Variants in TMEM82 observed in about 807,000 individuals in gnomAD.
TMEM82 encodes the protein transmembrane protein 82.
Under a neutral mutation model 29.2 loss-of-function variants are expected in TMEM82, and 30 were observed. That is an observed-to-expected ratio of 1.03 (90% CI 0.77 to 1.39). TMEM82 has a LOEUF of 1.39. Ranked by LOEUF, TMEM82 falls within the 40% of genes most tolerant of loss-of-function variation. The pLI is 0.00. For synonymous variants in TMEM82, 221 were observed against 225.4 expected (o/e 0.98, Z 0.18); for missense variants, 442 against 447.7 (o/e 0.99, Z 0.12).
intron 5 of TMEM82, 70 bp downstream of exon 5, chr1:15,747,124 G>A: frequency 2.0e-6 from 3 of 1,525,648 alleles, no homozygotes; most frequent in Non-Finnish European, 2.7e-6. Context: ...AGCCTCAAGA[G>A]GCTCAAGTTT....
At chr1:15,745,908 A>AG (rs1339761634) in intron 4 of TMEM82, among the ~76,000 whole-genome samples, 13 of 151,398 alleles carry the variant, frequency 8.6e-5, no homozygotes, top group African/African-American at 3.1e-4. Context: ...AAAAAAAAAA[A>AG]AAGAAGGGGT....
At chr1:15,743,416 C>T (rs2068307959) in intron 3 of TMEM82, among the ~76,000 whole-genome samples, 1 of 152,260 alleles carries the variant, frequency 6.6e-6, no homozygotes, top group Non-Finnish European at 1.5e-5. Flanking sequence ...ACAAGAGCGA[C>T]AGTTTCTGTA....
chr1:15,747,437 A>G, intron 5 of TMEM82, 109 bp from the exon 6 acceptor site: 1 of 941,424 alleles, frequency 1.1e-6, no homozygotes, highest in South Asian at 1.5e-5. Context: ...AGCCCTCTCC[A>G]GCAACAACCC....
At chr1:15,746,838 GGACGGT>G in intron 4 of TMEM82, 23 bp from the exon 5 acceptor site, 1 of 1,534,018 alleles carries the variant, frequency 6.5e-7, no homozygotes, top group Non-Finnish European at 8.7e-7. Context: ...GTGTGTGGTC[GGACGGT>G]GACAGGCACC....
rs539714899 is a variant in TMEM82, at chr1:15,744,036, G to A, written c.337-124G>A. 18 of 917,792 alleles carry A rather than the reference G, an allele frequency of 2.0e-5. No homozygotes were observed. Among genetic ancestry groups the A allele is most frequent in the Non-Finnish European group, 2.8e-5 (18 of 632,096 alleles). 56.9% of individuals were successfully genotyped at this position (917,792 alleles called of 1,614,324 possible). The stretch of plus-strand genomic sequence containing the variant: ...GAGATGATCCCCTAGGGCTTCATCT[G>A]AAGCCGATGTGGCCCCTTCGGGAAC... On this transcript the variant is annotated intron_variant, in intron 3 of 5. Transcript: ENST00000375782. This position sits in a 1 kb window ranked among gnomAD's most constrained non-coding sequence, Gnocchi z 5.2.
In TMEM82 at chr1:15,744,436, G is replaced by C; in HGVS notation, c.613G>C (p.Gly205Arg). ...TGCACATGGCCTCCCCCAGCTGCTGGGCCGTGCCCTGGCCATAGCCTTTGC... is the reference window on the plus strand; with the variant it reads ...TGCACATGGCCTCCCCCAGCTGCTGCGCCGTGCCCTGGCCATAGCCTTTGC... ...AHAHGLPQLL[G>R]RALAIAFAVG... The change falls in exon 4 of 6, where the codon GGC (glycine) becomes CGC (arginine). Residue 205 changes from glycine to arginine, a missense_variant. Transcript: ENST00000375782. The surrounding 1 kb of genome is among the most constrained non-coding windows in gnomAD (Gnocchi z 5.2). The C allele has an allele frequency of 6.3e-7, 1 of 1,598,892 alleles. No homozygotes were observed. The highest frequency in any genetic ancestry group is 1.1e-5 in the South Asian group (1 of 88,888).
In TMEM82 at chr1:15,742,539, G is replaced by A; in HGVS notation, c.-21G>A. On this transcript the variant is annotated 5_prime_UTR_variant, in exon 1 of 6. Transcript: ENST00000375782. ...CCTTACGCAGACCTGGCCGGAGGCT[G>A]GGGCTCCTTCCGGGGCTGCCATGTT... 5 of 1,559,478 alleles carry A rather than the reference G, an allele frequency of 3.2e-6. No individual in the cohort carries two copies. Among genetic ancestry groups the A allele is most frequent in the Non-Finnish European group, 4.3e-6 (5 of 1,156,096 alleles).
chr1:15,745,618 C>T (rs1002573247), intron 4 of TMEM82, among the ~76,000 whole-genome samples: 1 of 151,804 alleles, frequency 6.6e-6, no homozygotes, highest in Non-Finnish European at 1.5e-5. Context: ...CTTGGCCGGG[C>T]ATAGTGGCTC....
chr1:15,743,629 C>G (rs2068309564), intron 3 of TMEM82, among the ~76,000 whole-genome samples: 1 of 152,200 alleles, frequency 6.6e-6, no homozygotes, highest in Admixed American at 6.5e-5. Flanking sequence ...AACCACCACC[C>G]TTCAGCTAAC....
chr1:15,743,999 A>G (rs2148394676), intron 3 of TMEM82, among the ~76,000 whole-genome samples, 161 bp from the exon 4 acceptor site: 1 of 152,030 alleles, frequency 6.6e-6, no homozygotes, highest in South Asian at 2.1e-4. Context: ...TATGATTGAA[A>G]TTAAGGTGAG....
chr1:15,742,595 C>G lies in TMEM82; in HGVS notation c.36C>G (p.Pro12=). ...FSLPSLPSWL[P]GLPSLEWGSS... is the part of the protein sequence containing the mutation. ...TTCCATCCCTCCCCTCCTGGCTCCC[C>G]GGCCTCCCCTCCCTCGAGTGGGGCT... The change falls in exon 1 of 6, where the codon CCC becomes CCG. Residue 12 remains proline, a synonymous_variant. Coordinates refer to ENST00000375782, the MANE Select transcript of TMEM82 (RefSeq NM_001013641.3). 3.1e-6 allele frequency: 5 copies of G among 1,603,220 alleles called. No individual in the cohort carries two copies. Among genetic ancestry groups the G allele is most frequent in the South Asian group, 1.1e-5 (1 of 89,842 alleles).
chr1:15,746,888 G>A lies in TMEM82; in HGVS notation c.779G>A (p.Gly260Asp), dbSNP rs1232464196. ...ACAGAGGAGCAGCGGCAGCACCCCG[G>A]CCTGCAGAGCCAGGTGCAGACGGTG... ...YMQEEQRQHP[G>D]LQSQVQTVLV... is the part of the protein sequence containing the mutation. Residue 260 changes from glycine to aspartate, a missense_variant, in exon 5 of 6, where the codon GGC becomes GAC. Coordinates refer to ENST00000375782, the MANE Select transcript of TMEM82 (RefSeq NM_001013641.3). 5 of 1,595,018 alleles carry A rather than the reference G, an allele frequency of 3.1e-6. No individual in the cohort carries two copies. In the East Asian group the frequency reaches 1.1e-4, roughly 36 times the overall value.
chr1:15,744,183 G>T lies in TMEM82; in HGVS notation c.360G>T (p.Arg120Ser). ...AGGGCTCCCAGGGTGCCGCCGAGAG[G>T]CTGCAGCTCTACCTGCTGTGCCAGT... Reference protein sequence around the residue: ...LGKGSQGAAERLQLYLLCQYS... With the variant: ...LGKGSQGAAESLQLYLLCQYS... The change falls in exon 4 of 6, where the codon AGG (arginine) becomes AGT (serine). Residue 120 changes from arginine to serine, a missense_variant. Transcript: ENST00000375782. This position sits in a 1 kb window ranked among gnomAD's most constrained non-coding sequence, Gnocchi z 5.2. 6.3e-7 allele frequency: 1 copy of T among 1,577,910 alleles called. No individual in the cohort carries two copies. The highest frequency in any genetic ancestry group is 8.6e-7 in the Non-Finnish European group (1 of 1,165,980).
Position 15,747,563 on chromosome 1 carries a change from G to A in TMEM82, c.963G>A (p.Arg321=). The change falls in exon 6 of 6, where the codon AGG becomes AGA. Residue 321 remains arginine, a synonymous_variant. Coordinates refer to ENST00000375782, the MANE Select transcript of TMEM82 (RefSeq NM_001013641.3). ...LCQIQDFPSQ[R]PPVSTPSQPL... The stretch of plus-strand genomic sequence containing the variant: ...TTCCTCAGGATTTTCCATCCCAGAG[G>A]CCTCCAGTGTCAACACCAAGCCAGC... 1 of 1,614,056 alleles carries A rather than the reference G, an allele frequency of 6.2e-7. No homozygotes were observed. Among genetic ancestry groups the A allele is most frequent in the East Asian group, 2.2e-5 (1 of 44,868 alleles).
rs752828222 is a variant in TMEM82 at position 15,744,306 on chromosome 1, G to A, written c.483G>A (p.Thr161=). Residue 161 remains threonine (T), a synonymous_variant, in exon 4 of 6, where the codon ACG becomes ACA. Coordinates refer to ENST00000375782, the MANE Select transcript of TMEM82 (RefSeq NM_001013641.3). This position sits in a 1 kb window ranked among gnomAD's most constrained non-coding sequence, Gnocchi z 5.2. ...TGCTGCTGAGCCTCGGGCTGGCCAC[G>A]CTGCTGGGCCTGGGTGCCCGGCGCC... The part of the protein sequence containing the change: ...LNLLLSLGLA[T]LLGLGARRLH... 5.0e-5 allele frequency: 78 copies of A among 1,545,870 alleles called. No individual in the cohort carries two copies. The highest frequency in any genetic ancestry group is 3.5e-4 in the Admixed American group (18 of 51,830).
Position 15,747,332 on chromosome 1 carries a change from G to T in TMEM82, c.946-214G>T, listed in dbSNP as rs927693352. 2.7e-5 allele frequency among the ~76,000 whole-genome samples: 4 copies of T among 150,872 alleles called. No homozygotes were observed. The East Asian group carries it at 7.8e-4, about 29-fold the overall frequency. On this transcript the variant is annotated intron_variant, in intron 5 of 5. Coordinates refer to ENST00000375782, the MANE Select transcript of TMEM82 (RefSeq NM_001013641.3). ...CAGAGCCAGGGTGACTTCCCTTGGG[G>T]GTCAGGGGCAGAGGGAGCTGGAATC...
intron 1 of TMEM82, 27 bp downstream of exon 1, chr1:15,742,674 T>C (rs1241993262): frequency 5.6e-6 from 9 of 1,595,778 alleles, no homozygotes; most frequent in Non-Finnish European, 7.7e-6. Flanking sequence ...ATTCCTGCCT[T>C]GGCCCCGCCC....
At chr1:15,745,614 C>T (rs1048396548) in intron 4 of TMEM82, among the ~76,000 whole-genome samples, 1 of 151,614 alleles carries the variant, frequency 6.6e-6, no homozygotes, top group Non-Finnish European at 1.5e-5. Flanking sequence ...AGGTCTTGGC[C>T]GGGCATAGTG....
Position 15,746,828 on chromosome 1 carries a change from G to T in TMEM82, c.758-39G>T, listed in dbSNP as rs369174511. On this transcript the variant is annotated intron_variant, in intron 4 of 5. Transcript: ENST00000375782. ...AGGGAGCAGGGAGGTCCAGTCCGGG[G>T]TGTGTGGTCGGACGGTGACAGGCAC... The T allele has an allele frequency of 3.0e-5, 45 of 1,523,502 alleles. No homozygotes were observed. The African/African-American group carries it at 5.9e-4, about 20-fold the overall frequency. 94.4% of individuals were successfully genotyped at this position (1,523,502 alleles called of 1,614,324 possible).
Sources: allele counts gnomAD v4.1 joint callset (sites outside exome capture counted in the v4.1 genomes callset), GRCh38; gene constraint gnomAD v4.1.1; non-coding constraint Gnocchi (gnomAD v3.1); transcripts MANE v1.5; gene names NCBI Gene and HGNC (gene_info 2026-07-23, HGNC 2026-07-21).